PUDP: variants seen among roughly 807,000 people sequenced by gnomAD.
PUDP encodes the protein pseudouridine-5'-phosphatase.
PUDP carries 8 observed loss-of-function variants against 9.4 expected under a neutral mutation model. The observed-to-expected ratio is 0.85, with a 90% CI of 0.50 to 1.53. The LOEUF is 1.53. Ranked by LOEUF, PUDP falls within the 40% of genes most tolerant of loss-of-function variation. The pLI is 0.00. For missense variants in PUDP, 188 were observed against 189.7 expected, an observed-to-expected ratio of 0.99 and a Z score of 0.05; for synonymous variants, 99 against 80.7, an observed-to-expected ratio of 1.23 and a Z score of -1.22.
At chrX:7,016,228 G>C (rs1438833815) in intron 1 of PUDP, among the ~76,000 whole-genome samples, 1 of 110,845 alleles carries the variant, frequency 9.0e-6, no homozygotes, top group East Asian at 2.9e-4. Context: ...AGCTACTTGA[G>C]AGGCTGAGGC....
chrX:7,125,258 A>T (rs1264308989), intron 1 of PUDP, among the ~76,000 whole-genome samples: 1 of 110,640 alleles, frequency 9.0e-6, no homozygotes, highest in Non-Finnish European at 1.9e-5. Context: ...ACTATTAATC[A>T]TTTTTTTTCC....
At chrX:6,957,286 G>A (rs1192022222) in intron 3 of PUDP, among the ~76,000 whole-genome samples, 9 of 110,691 alleles carry the variant, frequency 8.1e-5, no homozygotes, top group African/African-American at 3.0e-4. Context: ...TTTAAGAGGA[G>A]GGACCTTTAA....
chrX:6,972,500 G>A (rs5935212), intron 3 of PUDP, among the ~76,000 whole-genome samples: 40,104 of 110,940 alleles, frequency 0.36, 5,381 homozygotes, highest in Non-Finnish European at 0.41. Context: ...TTTATGTGAT[G>A]GATTATGTTT....
At chrX:6,708,975 T>C (rs1244582356) in intron 1 of PUDP, among the ~76,000 whole-genome samples, 1 of 112,143 alleles carries the variant, frequency 8.9e-6, no homozygotes, top group African/African-American at 3.2e-5. Context: ...CACAGGTATA[T>C]ATATTGAACA....
At chrX:6,877,198 A>T (rs1412973551) in intron 3 of PUDP, among the ~76,000 whole-genome samples, 2 of 110,227 alleles carry the variant, frequency 1.8e-5, no homozygotes, top group East Asian at 5.8e-4. Context: ...GCCTCCAGTG[A>T]TTCTTTGGCC....
intron 3 of PUDP, among the ~76,000 whole-genome samples, chrX:6,850,747 G>A (rs1276413094): frequency 8.9e-6 from 1 of 112,386 alleles, no homozygotes; most frequent in African/African-American, 3.2e-5. Context: ...GTATAGCCAT[G>A]CACATTTGCT....
chrX:6,928,183 C>T (rs1305305006), intron 3 of PUDP, among the ~76,000 whole-genome samples: 3 of 110,915 alleles, frequency 2.7e-5, no homozygotes, highest in Non-Finnish European at 5.7e-5. Flanking sequence ...TCCACCACCC[C>T]GGCCTCCCAA....
Position 7,068,637 on chromosome X carries a change from G to C in PUDP, c.510+8583C>G, listed in dbSNP as rs535955169. On this transcript the variant is annotated intron_variant, in intron 3 of 3. Coordinates refer to ENST00000381077, the MANE Select transcript of PUDP (RefSeq NM_012080.5). ...AGGTTGCTGGCTGCAGACGGCATGT[G>C]AGGAGAGAGAATCCTCGTGCAATGA... 1.9e-4 allele frequency among the ~76,000 whole-genome samples: 21 copies of C among 112,467 alleles called. No individual in the cohort carries two copies. The South Asian group carries it at 7.8e-3, about 42-fold the overall frequency.
At chrX:6,755,965 T>C (rs1925164734) in intron 3 of PUDP, among the ~76,000 whole-genome samples, 1 of 111,146 alleles carries the variant, frequency 9.0e-6, no homozygotes, top group African/African-American at 3.3e-5. Flanking sequence ...CAGAGCTTTT[T>C]ATGAGAAGAG....
intron 3 of PUDP, among the ~76,000 whole-genome samples, chrX:6,930,323 T>C (rs914425982): frequency 1.8e-5 from 2 of 111,478 alleles, no homozygotes; most frequent in African/African-American, 3.3e-5. Context: ...ATAAAGACCC[T>C]ACTGATAAGA....
intron 2 of PUDP, among the ~76,000 whole-genome samples, chrX:7,088,797 G>A (rs751334352): frequency 3.6e-5 from 4 of 111,307 alleles, no homozygotes; most frequent in Non-Finnish European, 5.6e-5. Context: ...CTAGTACTTC[G>A]CAGTATAATG....
At chrX:6,791,691 T>C (rs1362643111) in intron 3 of PUDP, among the ~76,000 whole-genome samples, 2 of 111,560 alleles carry the variant, frequency 1.8e-5, no homozygotes, top group African/African-American at 6.5e-5. Context: ...AATAGATTCT[T>C]CCTTGAGTCT....
intron 3 of PUDP, among the ~76,000 whole-genome samples, chrX:6,970,012 C>G (rs1450713047): frequency 8.9e-6 from 1 of 111,944 alleles, no homozygotes; most frequent in African/African-American, 3.2e-5. Context: ...TCCTTTTGGG[C>G]ATAAAACGTG....
At position 6,807,647 on chromosome X, in the gene PUDP, C is replaced by T. The variant is rs549019761; in HGVS notation, c.*248-101181G>A. Among the ~76,000 whole-genome samples, 11 of 112,068 alleles carry T rather than the reference C, an allele frequency of 9.8e-5. No homozygotes were observed. The South Asian group carries it at 4.1e-3, about 42-fold the overall frequency. On this transcript the variant is annotated intron_variant and NMD_transcript_variant, in intron 3 of 3. Transcript: ENST00000655425. ...TGCCGTCGGAGGGTGGCGATGAAGACAGCACATGATGTCTCTTTTCAGGAC... is the reference window on the plus strand; with the variant it reads ...TGCCGTCGGAGGGTGGCGATGAAGATAGCACATGATGTCTCTTTTCAGGAC...
chrX:6,978,296 T>C (rs1928983101), exon 2 of PUDP, among the ~76,000 whole-genome samples: 1 of 111,525 alleles, frequency 9.0e-6, no homozygotes, highest in East Asian at 2.8e-4. Context: ...CATGATGGTT[T>C]TTGTGCTAAG....
intron 3 of PUDP, among the ~76,000 whole-genome samples, chrX:6,947,514 T>C (rs888948636): frequency 2.7e-5 from 3 of 112,398 alleles, no homozygotes; most frequent in Non-Finnish European, 5.6e-5. Context: ...TGTATGAGGC[T>C]GGGTGTAGTG....
At chrX:6,821,966 C>T (rs62590383) in intron 3 of PUDP, among the ~76,000 whole-genome samples, 8,526 of 111,625 alleles carry the variant, frequency 0.076, 267 homozygotes, top group African/African-American at 0.11. Context: ...CACACCTAGT[C>T]CAACCAATTT....
At chrX:6,991,577 C>A (rs902858226) in intron 1 of PUDP, among the ~76,000 whole-genome samples, 1 of 108,194 alleles carries the variant, frequency 9.2e-6, no homozygotes, top group Admixed American at 1.0e-4. Flanking sequence ...TCTTGGGAGG[C>A]TGAGGCAGGA....
intron 3 of PUDP, among the ~76,000 whole-genome samples, chrX:6,783,341 T>C (rs1323397777): frequency 2.7e-5 from 3 of 111,640 alleles, no homozygotes; most frequent in East Asian, 2.8e-4. Flanking sequence ...GTTCCTCCTC[T>C]AGCTTTCGGG....
Sources: gnomAD v4.1 joint callset for allele counts (sites outside exome capture counted in the v4.1 genomes callset) on GRCh38, gnomAD v4.1.1 for gene constraint, MANE v1.5 for transcripts, NCBI Gene and HGNC (gene_info 2026-07-23, HGNC 2026-07-21) for gene names.